GNAT3: variants seen among roughly 807,000 people sequenced by gnomAD.
GNAT3 encodes guanine nucleotide-binding protein G(t) subunit alpha-3.
Under a neutral mutation model 37.7 loss-of-function variants are expected in GNAT3, and 31 were observed. That is an observed-to-expected ratio of 0.82 (90% CI 0.62 to 1.11). The LOEUF is 1.11. Among genes scored for constraint, GNAT3 ranks in the 50% most tolerant of loss-of-function variants. The probability of loss-of-function intolerance (pLI) is 0.00; values close to 1 mark genes in which losing one functional copy is unlikely to be tolerated. For missense variants in GNAT3, 437 were observed against 412.5 expected (o/e 1.06, Z -0.51); for synonymous variants, 138 against 139.8 (o/e 0.99, Z 0.09).
At position 80,458,843 on chromosome 7, in the gene GNAT3, T is replaced by A. The variant is rs1276353079; in HGVS notation, c.893A>T (p.Asp298Val). The A allele has an allele frequency of 1.3e-6, 2 of 1,582,978 alleles. No individual in the cohort carries two copies. Among genetic ancestry groups the A allele is most frequent in the Non-Finnish European group, 8.6e-7 (1 of 1,166,890 alleles). Residue 298 changes from aspartate (D) to valine (V), a missense_variant, in exon 8 of 8, where the codon GAT becomes GTT. Physicochemically the swap from Asp to Val is radical, Grantham distance 152. Coordinates refer to ENST00000398291, the MANE Select transcript of GNAT3 (RefSeq NM_001102386.3). ...PEYTGPNTFE[D>V]AGNYIKNQFL... ...CTGGTTCTTGATGTAGTTTCCTGCATCTTCAAATGTATTTGGCCCTTGTTA... is the reference window on the plus strand; with the variant it reads ...CTGGTTCTTGATGTAGTTTCCTGCAACTTCAAATGTATTTGGCCCTTGTTA...
chr7:80,511,536 T>C (rs928867403), intron 1 of GNAT3, among the ~76,000 whole-genome samples: 1 of 152,120 alleles, frequency 6.6e-6, no homozygotes, highest in East Asian at 1.9e-4. Context: ...ATGTATCTGA[T>C]TTTTATTTTA....
chr7:80,494,702 T>C, intron 1 of GNAT3, 55 bp from the exon 2 acceptor site: 1 of 982,926 alleles, frequency 1.0e-6, no homozygotes, highest in African/African-American at 1.6e-5. Flanking sequence ...TGAATAGATA[T>C]TAAAAACTAT....
chr7:80,474,156 T>C (rs1790264215), intron 5 of GNAT3, 95 bp downstream of exon 5: 5 of 1,228,924 alleles, frequency 4.1e-6, no homozygotes, highest in South Asian at 1.3e-5. Context: ...CCAAGGATTA[T>C]TGAACCTGAA....
At chr7:80,461,588 A>ATAAC in intron 7 of GNAT3, among the ~76,000 whole-genome samples, 1 of 151,990 alleles carries the variant, frequency 6.6e-6, no homozygotes, top group East Asian at 1.9e-4. Context: ...ATTTACAAAA[A>ATAAC]TAAATAAATA....
At chr7:80,481,073 C>A (rs1483559971) in intron 3 of GNAT3, among the ~76,000 whole-genome samples, 2 of 151,968 alleles carry the variant, frequency 1.3e-5, no homozygotes, top group Non-Finnish European at 2.9e-5. Context: ...TTTTTTCTAC[C>A]ATTTTATCAA....
intron 1 of GNAT3, 83 bp downstream of exon 1, chr7:80,511,726 C>G: frequency 1.3e-6 from 1 of 794,216 alleles, no homozygotes; most frequent in Non-Finnish European, 2.1e-6. Flanking sequence ...ATAATACACT[C>G]GAAATTAAAG....
intron 5 of GNAT3, among the ~76,000 whole-genome samples, chr7:80,463,913 A>G (rs927276764): frequency 2.0e-5 from 3 of 151,128 alleles, no homozygotes; most frequent in Non-Finnish European, 3.0e-5. Context: ...TGGGGTAAGC[A>G]AGCAATTTAT....
chr7:80,495,163 A>G (rs956394369), intron 1 of GNAT3, among the ~76,000 whole-genome samples: 1 of 152,080 alleles, frequency 6.6e-6, no homozygotes, highest in Non-Finnish European at 1.5e-5. Context: ...TGATTCCATG[A>G]CTTTGCTATT....
chr7:80,489,285 T>A (rs955627114), intron 2 of GNAT3, among the ~76,000 whole-genome samples: 1 of 152,128 alleles, frequency 6.6e-6, no homozygotes, highest in African/African-American at 2.4e-5. Context: ...TTCCACTCAT[T>A]CAGCCAAACT....
At chr7:80,487,111 A>G (rs1272939525) in intron 3 of GNAT3, among the ~76,000 whole-genome samples, 3 of 152,154 alleles carry the variant, frequency 2.0e-5, no homozygotes, top group Non-Finnish European at 4.4e-5. Flanking sequence ...ATGTAAACCA[A>G]CTAATCTTTG....
intron 5 of GNAT3, among the ~76,000 whole-genome samples, chr7:80,464,034 T>C (rs1409156165): frequency 6.6e-6 from 1 of 151,700 alleles, no homozygotes; most frequent in Non-Finnish European, 1.5e-5. Context: ...TAAGCACTTA[T>C]TATATGCCAG....
intron 2 of GNAT3, among the ~76,000 whole-genome samples, chr7:80,493,541 C>T (rs1790634681): frequency 6.6e-6 from 1 of 152,174 alleles, no homozygotes; most frequent in South Asian, 2.1e-4. Context: ...AGAACAAGAT[C>T]CTTTAACATA....
chr7:80,483,636 T>C (rs1790428006), intron 3 of GNAT3, among the ~76,000 whole-genome samples: 1 of 152,006 alleles, frequency 6.6e-6, no homozygotes, highest in Non-Finnish European at 1.5e-5. Flanking sequence ...TCTCCCTTTC[T>C]CTCCCTGCCA....
intron 5 of GNAT3, among the ~76,000 whole-genome samples, chr7:80,468,551 C>T (rs1202399347): frequency 6.6e-6 from 1 of 152,018 alleles, no homozygotes; most frequent in Non-Finnish European, 1.5e-5. Flanking sequence ...TAGTCTCTAT[C>T]GCAGTTGTTA....
intron 7 of GNAT3, among the ~76,000 whole-genome samples, chr7:80,461,076 A>G (rs1238560722): frequency 1.3e-5 from 2 of 150,926 alleles, no homozygotes; most frequent in East Asian, 3.9e-4. Flanking sequence ...TATTATACTT[A>G]ATCACATGAT....
At chr7:80,509,368 C>T (rs1791012064) in intron 1 of GNAT3, among the ~76,000 whole-genome samples, 1 of 152,008 alleles carries the variant, frequency 6.6e-6, no homozygotes, top group Non-Finnish European at 1.5e-5. Flanking sequence ...AAGAGAATTT[C>T]ATTTATTTTG....
intron 1 of GNAT3, among the ~76,000 whole-genome samples, chr7:80,506,697 C>T (rs543750892): frequency 2.0e-5 from 3 of 152,246 alleles, no homozygotes; most frequent in Non-Finnish European, 2.9e-5. Context: ...AATATTCATG[C>T]ATCCCAAAGA....
intron 3 of GNAT3, among the ~76,000 whole-genome samples, chr7:80,486,172 A>C (rs190516957): frequency 1.3e-5 from 2 of 152,288 alleles, no homozygotes; most frequent in Admixed American, 1.3e-4. Context: ...TGCAGCTGAA[A>C]CTGATAGAGT....
At chr7:80,480,658 C>A (rs565765410) in intron 3 of GNAT3, among the ~76,000 whole-genome samples, 1 of 152,206 alleles carries the variant, frequency 6.6e-6, no homozygotes, top group Non-Finnish European at 1.5e-5. Context: ...TTATTCATGC[C>A]TCCCCTTGTT....
Sources: allele counts gnomAD v4.1 joint callset (sites outside exome capture counted in the v4.1 genomes callset), GRCh38; gene constraint gnomAD v4.1.1; transcripts MANE v1.5; gene names NCBI Gene and HGNC (gene_info 2026-07-23, HGNC 2026-07-21).